HGF: variants seen among roughly 807,000 people sequenced by gnomAD.
HGF encodes hepatocyte growth factor, also known as fibroblast-derived tumor cytotoxic factor.
A neutral mutation model predicts 111.6 loss-of-function variants in HGF; 39 were observed. The ratio of observed to expected loss-of-function variants is 0.35; its 90% CI spans 0.27 to 0.46. The LOEUF (loss-of-function observed/expected upper bound fraction) is 0.46, where lower values mean the gene tolerates loss of function less well. HGF is among the 20% of genes least tolerant of loss of function. The pLI is 1.00. For missense variants in HGF, 735 were observed against 910.5 expected (o/e 0.81, Z 2.48); for synonymous variants, 285 against 294.8 (o/e 0.97, Z 0.34).
chr7:81,756,043 A>G (rs1313698779), intron 4 of HGF: 1 of 701,896 alleles, frequency 1.4e-6, no homozygotes, highest in East Asian at 2.7e-5. Context: ...AGTGGATTCA[A>G]CAAGGCAGTC....
At chr7:81,713,242 G>C (rs918471519) in intron 11 of HGF, among the ~76,000 whole-genome samples, 2 of 152,002 alleles carry the variant, frequency 1.3e-5, no homozygotes, top group Non-Finnish European at 2.9e-5. Context: ...TGTAGATATG[G>C]CCTTGCGTGG....
intron 14 of HGF, 79 bp downstream of exon 14, chr7:81,707,211 T>C (rs1789451010): frequency 1.3e-6 from 1 of 791,126 alleles, no homozygotes; most frequent in African/African-American, 1.7e-5. Context: ...AATGAATACA[T>C]ATTATAACCT....
rs933200349 is a variant in HGF, at chr7:81,700,853, G to A, written c.*1728C>T. 6 of 151,452 alleles carry A rather than the reference G, an allele frequency of 4.0e-5. No homozygotes were observed. The highest frequency in any genetic ancestry group is 1.5e-4 in the African/African-American group (6 of 41,332). 9.4% of individuals were successfully genotyped at this position (151,452 alleles called of 1,614,324 possible). ...TGGACTCGCCGCCCTATATTCTGTG[G>A]ACTAAGCTCTCCATAAACTTAAAAC... On this transcript the variant is annotated 3_prime_UTR_variant, in exon 18 of 18. Transcript: ENST00000222390.
At chr7:81,752,448 C>T (rs915072096) in intron 4 of HGF, among the ~76,000 whole-genome samples, 186 bp from the exon 5 acceptor site, 1 of 151,998 alleles carries the variant, frequency 6.6e-6, no homozygotes, top group Non-Finnish European at 1.5e-5. Context: ...ATTTTATTAA[C>T]ATCCATTTAG....
At chr7:81,728,421 C>T (rs1164399315) in intron 8 of HGF, among the ~76,000 whole-genome samples, 1 of 152,132 alleles carries the variant, frequency 6.6e-6, no homozygotes, top group Non-Finnish European at 1.5e-5. Flanking sequence ...TATTACTAGT[C>T]ATTAGAAGTT....
intron 15 of HGF, 47 bp downstream of exon 15, chr7:81,706,240 C>A (rs1325323228): frequency 6.3e-7 from 1 of 1,580,158 alleles, no homozygotes; most frequent in Non-Finnish European, 8.7e-7. Context: ...AATGCTCCAA[C>A]AATTCTTGTC....
intron 2 of HGF, among the ~76,000 whole-genome samples, chr7:81,760,671 ATGTGCGTGCG>A (rs1313410468): frequency 6.4e-5 from 8 of 125,300 alleles, no homozygotes; most frequent in Non-Finnish European, 1.1e-4. Context: ...ATGTGTGTCT[ATGTGCGTGCG>A]TGTGTGTGTG....
intron 1 of HGF, among the ~76,000 whole-genome samples, chr7:81,765,826 G>T (rs1789330096): frequency 6.6e-6 from 1 of 152,142 alleles, no homozygotes. Flanking sequence ...ACAGTTAAAA[G>T]CCAAGCTTAA....
chr7:81,769,861 TGAA>T lies in HGF; in HGVS notation c.88+20_88+22del, dbSNP rs763097053. 4.8e-5 allele frequency: 72 copies of T among 1,513,392 alleles called. No homozygotes were observed. The South Asian group carries it at 5.5e-4, about 12-fold the overall frequency. The allele number at this position is 1,513,392 out of a possible 1,614,324, so 93.7% of individuals were successfully genotyped here. On this transcript the variant is annotated intron_variant, in intron 1 of 17. Transcript: ENST00000222390. ...GAGAGTTAAATACTAATACTAATAA[TGAA>T]GAAGAAGAAGGGAACTAACCTGCAT...
chr7:81,746,219 C>T (rs1040177473), intron 5 of HGF, among the ~76,000 whole-genome samples: 1 of 152,178 alleles, frequency 6.6e-6, no homozygotes, highest in Non-Finnish European at 1.5e-5. Context: ...AAACATGCAA[C>T]AACTTGGCTT....
At chr7:81,756,866 C>A in intron 4 of HGF, 1 of 331,462 alleles carries the variant, frequency 3.0e-6, no homozygotes, top group South Asian at 3.5e-5. Flanking sequence ...CACAATCAAC[C>A]TCTCCCCCTG....
chr7:81,728,022 G>A (rs928170954), intron 8 of HGF, among the ~76,000 whole-genome samples: 18 of 152,130 alleles, frequency 1.2e-4, no homozygotes, highest in African/African-American at 4.3e-4. Context: ...GTGTTCCAAA[G>A]ATTGCCATTT....
chr7:81,759,392 G>A (rs1452266993), intron 2 of HGF, among the ~76,000 whole-genome samples: 1 of 152,176 alleles, frequency 6.6e-6, no homozygotes, highest in Non-Finnish European at 1.5e-5. Flanking sequence ...TGCATATAAT[G>A]TAATTTTTTG....
intron 17 of HGF, 45 bp from the exon 18 acceptor site, chr7:81,702,802 A>G: frequency 6.6e-7 from 1 of 1,525,314 alleles, no homozygotes; most frequent in Non-Finnish European, 9.1e-7. Flanking sequence ...AGGAATTAAA[A>G]AAAAGCTCAT....
chr7:81,710,268 T>G lies in HGF; in HGVS notation c.1445-25A>C, dbSNP rs1475510265. 4.0e-6 allele frequency: 6 copies of G among 1,501,076 alleles called. No homozygotes were observed. The African/African-American group carries it at 8.3e-5, about 21-fold the overall frequency. 93.0% of individuals were successfully genotyped at this position (1,501,076 alleles called of 1,614,324 possible). A position where few individuals can be genotyped will look rare whatever the true frequency, so the allele number is the denominator to read the frequency against. ...TCTGAAACAGGACCAAACATAACAT[T>G]TTTTAAAATAAGAATTTGAAATAAT... On this transcript the variant is annotated intron_variant, in intron 12 of 17. Coordinates refer to ENST00000222390, the MANE Select transcript of HGF (RefSeq NM_000601.6).
In HGF at chr7:81,702,129, G is replaced by C. The variant is rs778665027; in HGVS notation, c.*452C>G. The stretch of plus-strand genomic sequence containing the variant: ...GAATGAACTATAACATATAGCATAT[G>C]AAATGTAATATAATTTAATATAGGG... On this transcript the variant is annotated 3_prime_UTR_variant, in exon 18 of 18. Transcript: ENST00000222390. 1.8e-4 allele frequency: 40 copies of C among 221,016 alleles called. No individual in the cohort carries two copies. Among genetic ancestry groups the C allele is most frequent in the Non-Finnish European group, 3.3e-4 (36 of 109,840 alleles). The allele number at this position is 221,016 out of a possible 1,614,324, so 13.7% of individuals were successfully genotyped here. A position where few individuals can be genotyped will look rare whatever the true frequency, so the allele number is the denominator to read the frequency against.
In HGF at chr7:81,729,770, G is replaced by T; in HGVS notation, c.875C>A (p.Thr292Asn). 3 of 1,608,358 alleles carry T rather than the reference G, an allele frequency of 1.9e-6. No homozygotes were observed. Among genetic ancestry groups the T allele is most frequent in the Non-Finnish European group, 2.5e-6 (3 of 1,179,202 alleles). The change falls in exon 8 of 18, where the codon ACT becomes AAT. Residue 292 changes from threonine to asparagine, a missense_variant. Physicochemically the swap from Thr to Asn is moderately conservative, Grantham distance 65. Transcript: ENST00000222390. ...CAAAGGAACATCAGTGTCATTCATA[G>T]TATTGTCAGCTATTGGCAAAAAACA... is the stretch of plus-strand genomic sequence containing the variant. ...YCAIKTCADN[T>N]MNDTDVPLET...
At position 81,745,027 on chromosome 7, in the gene HGF, G is replaced by T; in HGVS notation, c.719C>A (p.Pro240Gln). The T allele has an allele frequency of 1.2e-6, 2 of 1,614,000 alleles. No individual in the cohort carries two copies. The highest frequency in any genetic ancestry group is 1.7e-6 in the Non-Finnish European group (2 of 1,179,968). ...TTCAGGCAAGAATTTGTGCCGGTGT[G>T]GTGTCTGATGATCCCAGCGCTGACA... ...KICQRWDHQT[P>Q]HRHKFLPERY... is the part of the protein sequence containing the mutation. Residue 240 changes from proline (P) to glutamine (Q), a missense_variant, in exon 6 of 18, where the codon CCA (proline) becomes CAA (glutamine). Physicochemically the swap from Pro to Gln is moderately conservative, Grantham distance 76 (BLOSUM62 -1). Transcript: ENST00000222390.
intron 10 of HGF, among the ~76,000 whole-genome samples, chr7:81,718,929 A>G (rs1470841710): frequency 6.6e-6 from 1 of 152,196 alleles, no homozygotes; most frequent in Non-Finnish European, 1.5e-5. Context: ...TGCTGAAATT[A>G]GCATTTATTT....
Sources: allele counts gnomAD v4.1 joint callset (sites outside exome capture counted in the v4.1 genomes callset), GRCh38; gene constraint gnomAD v4.1.1; transcripts MANE v1.5; gene names NCBI Gene and HGNC (gene_info 2026-07-23, HGNC 2026-07-21).